TG: variants seen among roughly 807,000 people sequenced by gnomAD.
TG encodes thyroglobulin.
A neutral mutation model predicts 324.7 loss-of-function variants in TG; 270 were observed. The observed-to-expected ratio is 0.83, with a 90% CI of 0.75 to 0.92. The LOEUF (loss-of-function observed/expected upper bound fraction) is 0.92. Among genes scored for constraint, TG ranks in the 40% least tolerant of loss-of-function variants. The pLI is 0.00. For synonymous variants in TG, 1,401 were observed against 1,327.0 expected (o/e 1.06, Z -1.21); for missense variants, 3,591 against 3,456.4 (o/e 1.04, Z -0.98).
chr8:133,052,624 C>T (rs1365872140), intron 41 of TG, among the ~76,000 whole-genome samples: 1 of 152,220 alleles, frequency 6.6e-6, no homozygotes, highest in Non-Finnish European at 1.5e-5. Context: ...GGCAGCATTA[C>T]AGTTGTGTTA....
At chr8:133,012,094 C>G in intron 36 of TG, 59 bp downstream of exon 36, 1 of 1,609,314 alleles carries the variant, frequency 6.2e-7, no homozygotes, top group Non-Finnish European at 8.5e-7. Flanking sequence ...AAGTGCTGCT[C>G]AAGATTCTCA....
In TG at chr8:132,885,138, G is replaced by C. The variant is rs567352398; in HGVS notation, c.1076-1310G>C. 2.4e-3 allele frequency among the ~76,000 whole-genome samples: 356 copies of C among 151,330 alleles called. 1 individual carries two copies. The highest frequency in any genetic ancestry group is 8.2e-3 in the African/African-American group (338 of 41,278). On this transcript the variant is annotated intron_variant, in intron 8 of 47. Coordinates refer to ENST00000220616, the MANE Select transcript of TG (RefSeq NM_003235.5). The stretch of plus-strand genomic sequence containing the variant: ...AAAATATTTTAAAAGTTGGGGGGGG[G>C]GCGTGGTGGTTAAAAGGTAAGAGTT...
At chr8:133,070,443 T>C (rs1843829112) in intron 41 of TG, among the ~76,000 whole-genome samples, 1 of 152,194 alleles carries the variant, frequency 6.6e-6, no homozygotes, top group African/African-American at 2.4e-5. Context: ...AGGAGATGTT[T>C]AAAATACACG....
At chr8:133,083,039 G>A (rs113607753) in intron 41 of TG, among the ~76,000 whole-genome samples, 619 of 152,314 alleles carry the variant, frequency 4.1e-3, no homozygotes, top group Non-Finnish European at 5.1e-3. Flanking sequence ...TGGAGGGAGA[G>A]CGATGAGTAG....
At chr8:132,929,044 A>G in intron 22 of TG, 32 bp from the exon 23 acceptor site, 1 of 1,584,444 alleles carries the variant, frequency 6.3e-7, no homozygotes, top group Non-Finnish European at 8.7e-7. Context: ...CACCCTTCTG[A>G]GTCAGATTTA....
chr8:132,888,597 G>GTA, intron 10 of TG, 29 bp downstream of exon 10: 1 of 1,006,132 alleles, frequency 9.9e-7, no homozygotes, highest in Non-Finnish European at 1.4e-6. Flanking sequence ...AGAGTTAAAT[G>GTA]TGTGTGTGTG....
At chr8:132,981,404 G>A (rs905666171) in intron 34 of TG, among the ~76,000 whole-genome samples, 2 of 152,194 alleles carry the variant, frequency 1.3e-5, no homozygotes, top group African/African-American at 2.4e-5. Flanking sequence ...GGGTGTGGAC[G>A]TTTGAATGCC....
At chr8:133,009,815 G>GC (rs1834344383) in intron 35 of TG, among the ~76,000 whole-genome samples, 1 of 151,442 alleles carries the variant, frequency 6.6e-6, no homozygotes, top group Non-Finnish European at 1.5e-5. Context: ...AATCATGTTG[G>GC]CCCCCCGCTT....
intron 41 of TG, chr8:133,036,951 T>G (rs1322866261): frequency 2.6e-5 from 4 of 152,378 alleles, no homozygotes; most frequent in African/African-American, 9.6e-5. Flanking sequence ...GTTACATTCA[T>G]TTCTCATACG....
intron 43 of TG, among the ~76,000 whole-genome samples, chr8:133,107,272 G>T (rs916978361): frequency 3.9e-5 from 6 of 152,100 alleles, no homozygotes; most frequent in African/African-American, 1.4e-4. Context: ...TCAATCCACT[G>T]GGCCCCAAGA....
intron 17 of TG, among the ~76,000 whole-genome samples, chr8:132,907,186 C>T (rs557779308): frequency 1.6e-4 from 24 of 152,140 alleles, no homozygotes; most frequent in Non-Finnish European, 3.2e-4. Flanking sequence ...GTCTTGGATT[C>T]AGGAAAAATA....
chr8:133,017,877 C>A lies in TG; in HGVS notation c.6662C>A (p.Ser2221Ter). Residue 2221 changes from serine to a stop codon, truncating the protein, a stop_gained, in exon 38 of 48, where the codon TCA becomes TAA. Transcript: ENST00000220616. LOFTEE classifies it high-confidence loss of function. ...TCCCAGGCCATCCAGGTGGGTACCT[C>A]ATGGAAGCAAGTGGACCAGTTCCTT... The part of the protein sequence containing the change: ...GRSQAIQVGT[S>*]WKQVDQFLGV... The A allele has an allele frequency of 6.2e-7, 1 of 1,614,208 alleles. No homozygotes were observed. Among genetic ancestry groups the A allele is most frequent in the Non-Finnish European group, 8.5e-7 (1 of 1,180,032 alleles).
At chr8:132,881,573 C>G (rs1257127426) in intron 5 of TG, among the ~76,000 whole-genome samples, 1 of 152,146 alleles carries the variant, frequency 6.6e-6, no homozygotes, top group Non-Finnish European at 1.5e-5. Flanking sequence ...CCCTATGAGA[C>G]AAACGCATGG....
At chr8:133,086,106 G>A (rs967467356) in intron 41 of TG, among the ~76,000 whole-genome samples, 1 of 152,302 alleles carries the variant, frequency 6.6e-6, no homozygotes, top group South Asian at 2.1e-4. Context: ...GACACAGAAG[G>A]CTACATATTC....
chr8:132,887,055 C>A lies in TG; in HGVS notation c.1683C>A (p.Asn561Lys), dbSNP rs1022148195. The change falls in exon 9 of 48, where the codon AAC (asparagine) becomes AAA (lysine). Residue 561 changes from asparagine (N) to lysine (K), a missense_variant. By Grantham distance (94) the Asn-to-Lys change is moderately conservative. Transcript: ENST00000220616. ...GCTTTGAAATTAACCTACAAGAGAACCAAAATGCCCTCAAATTCCTTGCTT... is the reference window on the plus strand; with the variant it reads ...GCTTTGAAATTAACCTACAAGAGAAACAAAATGCCCTCAAATTCCTTGCTT... ...SFGFEINLQE[N>K]QNALKFLASL... 1 of 1,614,172 alleles carries A rather than the reference C, an allele frequency of 6.2e-7. No homozygotes were observed. The highest frequency in any genetic ancestry group is 1.7e-5 in the Admixed American group (1 of 60,018).
At chr8:133,065,219 C>T (rs1842885892) in intron 41 of TG, among the ~76,000 whole-genome samples, 1 of 152,208 alleles carries the variant, frequency 6.6e-6, no homozygotes, top group Non-Finnish European at 1.5e-5. Context: ...CTCTGCCAGG[C>T]ACAAAGCTAA....
At chr8:132,911,684 T>G in intron 19 of TG, 151 bp downstream of exon 19, 1 of 686,344 alleles carries the variant, frequency 1.5e-6, no homozygotes. Flanking sequence ...CATATAATAA[T>G]CAATAGACTT....
chr8:132,981,694 A>G (rs1021748203), intron 34 of TG, among the ~76,000 whole-genome samples: 1 of 152,220 alleles, frequency 6.6e-6, no homozygotes, highest in Non-Finnish European at 1.5e-5. Flanking sequence ...CTCAGATCCC[A>G]TCCCAGACCT....
At chr8:132,903,139 T>C (rs1330502260) in intron 16 of TG, among the ~76,000 whole-genome samples, 1 of 152,160 alleles carries the variant, frequency 6.6e-6, no homozygotes, top group African/African-American at 2.4e-5. Flanking sequence ...AGAAGGTCAT[T>C]TATTGGCCTT....
Sources: gnomAD v4.1 joint callset for allele counts (sites outside exome capture counted in the v4.1 genomes callset) on GRCh38, gnomAD v4.1.1 for gene constraint, MANE v1.5 for transcripts, NCBI Gene and HGNC (gene_info 2026-07-23, HGNC 2026-07-21) for gene names.